TRPM6: variants seen among roughly 807,000 people sequenced by gnomAD.
TRPM6 encodes channel kinase 2.
Under a neutral mutation model 247.6 loss-of-function variants are expected in TRPM6, and 111 were observed. That is an observed-to-expected ratio of 0.45 (90% CI 0.38 to 0.52). The LOEUF (loss-of-function observed/expected upper bound fraction) is 0.52, where lower values mean the gene tolerates loss of function less well. TRPM6 is among the 20% of genes least tolerant of loss of function. The pLI is 0.00. For missense variants in TRPM6, 2,126 were observed against 2,421.5 expected, an observed-to-expected ratio of 0.88 and a Z score of 2.56; for synonymous variants, 892 against 853.8, an observed-to-expected ratio of 1.04 and a Z score of -0.78.
chr9:74,772,781 G>C (rs1254786046), intron 24 of TRPM6, among the ~76,000 whole-genome samples: 1 of 152,234 alleles, frequency 6.6e-6, no homozygotes, highest in African/African-American at 2.4e-5. Context: ...GCCGAGGCAG[G>C]TGGATCACTT....
At chr9:74,833,190 CT>C (rs970970464) in intron 6 of TRPM6, among the ~76,000 whole-genome samples, 1 of 152,050 alleles carries the variant, frequency 6.6e-6, no homozygotes, top group Non-Finnish European at 1.5e-5. Context: ...TAAATACACA[CT>C]TTTTTTGCTG....
At chr9:74,881,485 C>T (rs1400306957) in intron 1 of TRPM6, among the ~76,000 whole-genome samples, 1 of 152,102 alleles carries the variant, frequency 6.6e-6, no homozygotes, top group Non-Finnish European at 1.5e-5. Context: ...GACTCCAATA[C>T]AGTAACGGTT....
chr9:74,796,435 C>T, intron 18 of TRPM6, among the ~76,000 whole-genome samples: 1 of 152,158 alleles, frequency 6.6e-6, no homozygotes. Flanking sequence ...CAAACCACGT[C>T]TTTGATTTTG....
At chr9:74,864,103 G>GCTGGACCATCTCTGGAC (rs367645416) in intron 1 of TRPM6, among the ~76,000 whole-genome samples, 2,768 of 152,154 alleles carry the variant, frequency 0.018, 73 homozygotes, top group African/African-American at 0.062. Context: ...ATGTTTACTT[G>GCTGGACCATCTCTGGAC]CATTCACTGG....
intron 1 of TRPM6, chr9:74,887,419 C>T (rs1489772561): frequency 2.5e-6 from 3 of 1,223,084 alleles, no homozygotes; most frequent in Non-Finnish European, 3.3e-6. Context: ...GCCTTCTCTC[C>T]TCCGGATTCT....
rs1407809890 is a variant in TRPM6 at position 74,786,081 on chromosome 9, TACCTTC to T, written c.2706_2711del (p.Lys903_Val904del). 1 of 1,614,056 alleles carries T rather than the reference TACCTTC, an allele frequency of 6.2e-7. No individual in the cohort carries two copies. Among genetic ancestry groups the T allele is most frequent in the Non-Finnish European group, 8.5e-7 (1 of 1,180,034 alleles). On this transcript the variant is annotated inframe_deletion, in exon 21 of 39. Coordinates refer to ENST00000360774, the MANE Select transcript of TRPM6 (RefSeq NM_017662.5). ...TTAAGTTCCAGTACTCACTAATCCA[TACCTTC>T]ACCTTTTGGGTAAACTTCCCAGGTT...
At chr9:74,849,059 G>A (rs1830200236) in intron 3 of TRPM6, among the ~76,000 whole-genome samples, 1 of 152,108 alleles carries the variant, frequency 6.6e-6, no homozygotes, top group Non-Finnish European at 1.5e-5. Context: ...TTAAAGTTTA[G>A]TTAAATTCAG....
chr9:74,765,645 T>C (rs979625819), intron 25 of TRPM6, among the ~76,000 whole-genome samples: 2 of 152,146 alleles, frequency 1.3e-5, no homozygotes, highest in African/African-American at 4.8e-5. Flanking sequence ...TGATTCCCGC[T>C]CTTATCTGGG....
intron 5 of TRPM6, among the ~76,000 whole-genome samples, chr9:74,834,617 C>G (rs542132873): frequency 6.7e-6 from 1 of 149,842 alleles, no homozygotes; most frequent in Non-Finnish European, 1.5e-5. Flanking sequence ...CAGCCCCCCA[C>G]CCCCTGACAG....
chr9:74,747,978 A>C, intron 30 of TRPM6, 64 bp from the exon 31 acceptor site: 1 of 1,449,412 alleles, frequency 6.9e-7, no homozygotes, highest in Admixed American at 1.7e-5. Flanking sequence ...TTATCAAAAA[A>C]AGGAAACAGC....
In TRPM6 at chr9:74,829,823, T is replaced by C. The variant is rs1370396012; in HGVS notation, c.670-1874A>G. 3.3e-5 allele frequency among the ~76,000 whole-genome samples: 5 copies of C among 152,156 alleles called. No homozygotes were observed. The East Asian group carries it at 9.7e-4, about 29-fold the overall frequency. ...CAAACAAAATTGTTACTAGGCTGAA[T>C]TATAGGATCTTTCAAGGCTAGACAC... On this transcript the variant is annotated intron_variant, in intron 6 of 38. Coordinates refer to ENST00000360774, the MANE Select transcript of TRPM6 (RefSeq NM_017662.5).
rs770861794 is a variant in TRPM6 at position 74,796,900 on chromosome 9, A to C, written c.2239-7T>G. On this transcript the variant is annotated splice_region_variant and splice_polypyrimidine_tract_variant and intron_variant, in intron 17 of 38. Coordinates refer to ENST00000360774, the MANE Select transcript of TRPM6 (RefSeq NM_017662.5). ...AAATAATGCTTATAATAATCTGTAAAAGAAAAAAAAGCAAAACAAAGTAGT... is the reference window on the plus strand; with the variant it reads ...AAATAATGCTTATAATAATCTGTAACAGAAAAAAAAGCAAAACAAAGTAGT... 1.2e-6 allele frequency: 2 copies of C among 1,612,524 alleles called. No individual in the cohort carries two copies. The highest frequency in any genetic ancestry group is 1.7e-6 in the Non-Finnish European group (2 of 1,178,626).
intron 17 of TRPM6, among the ~76,000 whole-genome samples, chr9:74,799,316 T>C (rs558876858): frequency 6.6e-6 from 1 of 152,304 alleles, no homozygotes; most frequent in Admixed American, 6.5e-5. Flanking sequence ...TCTTTTTATT[T>C]ATTTGGTTTC....
At position 74,860,014 on chromosome 9, in the gene TRPM6, A is replaced by G. The variant is rs186493380; in HGVS notation, c.34-1266T>C. Among the ~76,000 whole-genome samples the G allele has an allele frequency of 2.1e-3, 323 of 152,308 alleles. 4 individuals are homozygous for G. Among genetic ancestry groups the G allele is most frequent in the African/African-American group, 7.4e-3 (308 of 41,570 alleles). ...ACTATCCTCAAAAAAAGCTCAGTGG[A>G]TCTTGTCCAACATGCACCAATCCTA... On this transcript the variant is annotated intron_variant, in intron 1 of 38. Coordinates refer to ENST00000360774, the MANE Select transcript of TRPM6 (RefSeq NM_017662.5).
chr9:74,778,413 A>C (rs1042009239), intron 23 of TRPM6, among the ~76,000 whole-genome samples: 8 of 152,202 alleles, frequency 5.3e-5, no homozygotes, highest in African/African-American at 1.9e-4. Flanking sequence ...TGTGACTGTC[A>C]CCAACAGAGT....
intron 27 of TRPM6, among the ~76,000 whole-genome samples, chr9:74,757,749 T>C (rs1265193937): frequency 1.3e-5 from 2 of 151,300 alleles, no homozygotes; most frequent in Non-Finnish European, 3.0e-5. Context: ...TCCATCTCTA[T>C]TAAAAATACA....
Position 74,724,530 on chromosome 9 carries a change from T to C in TRPM6, c.*83A>G. ...GTGTCCCAAGGAGACGCTGATGTAA[T>C]CAACATCACGTTGATCAATCTATGT... On this transcript the variant is annotated 3_prime_UTR_variant, in exon 39 of 39. Coordinates refer to ENST00000360774, the MANE Select transcript of TRPM6 (RefSeq NM_017662.5). 1.3e-6 allele frequency: 2 copies of C among 1,592,992 alleles called. No homozygotes were observed. The highest frequency in any genetic ancestry group is 1.7e-6 in the Non-Finnish European group (2 of 1,162,064).
In TRPM6 at chr9:74,827,892, T is replaced by C. The variant is rs1425899365; in HGVS notation, c.727A>G (p.Ser243Gly). The C allele has an allele frequency of 5.6e-6, 9 of 1,614,092 alleles. No individual in the cohort carries two copies. Among genetic ancestry groups the C allele is most frequent in the South Asian group, 1.1e-5 (1 of 91,086 alleles). The change falls in exon 7 of 39, where the codon AGC becomes GGC. Residue 243 changes from serine to glycine, a missense_variant. Ser to Gly is a moderately conservative substitution (Grantham distance 56). Coordinates refer to ENST00000360774, the MANE Select transcript of TRPM6 (RefSeq NM_017662.5). ...NPLSKLTTLNSMHSHFILSDD... is the reference protein window; with the variant it reads ...NPLSKLTTLNGMHSHFILSDD... Reference sequence around the variant, plus strand: ...GACAGGATGAAGTGCGAGTGCATGCTGTTGAGTGTTGTGAGCTTGCTGAGG... The same window carrying C: ...GACAGGATGAAGTGCGAGTGCATGCCGTTGAGTGTTGTGAGCTTGCTGAGG...
At chr9:74,838,701 G>T (rs1053254406) in intron 5 of TRPM6, among the ~76,000 whole-genome samples, 1 of 152,132 alleles carries the variant, frequency 6.6e-6, no homozygotes, top group Non-Finnish European at 1.5e-5. Context: ...TCAAGAAGCT[G>T]TTTGACGAGT....
Sources: allele counts gnomAD v4.1 joint callset (sites outside exome capture counted in the v4.1 genomes callset), GRCh38; gene constraint gnomAD v4.1.1; transcripts MANE v1.5; gene names NCBI Gene and HGNC (gene_info 2026-07-23, HGNC 2026-07-21).